The following DSCAM variants were observed in gnomAD, a reference collection of about 807,000 sequenced individuals.
The protein encoded by DSCAM is DS cell adhesion molecule.
A neutral mutation model predicts 217.7 loss-of-function variants in DSCAM; 47 were observed. The ratio of observed to expected loss-of-function variants is 0.22; its 90% CI spans 0.17 to 0.28. DSCAM has a LOEUF of 0.28. Ranked by LOEUF, DSCAM falls within the 10% of genes least tolerant of loss-of-function variation. The probability of loss-of-function intolerance (pLI) is 1.00; values close to 1 mark genes in which losing one functional copy is unlikely to be tolerated. For missense variants in DSCAM, 2,080 were observed against 2,618.3 expected (o/e 0.79, Z 4.49); for synonymous variants, 1,056 against 1,015.3 (o/e 1.04, Z -0.76).
At chr21:40,781,219 C>T (rs1227946259) in intron 1 of DSCAM, among the ~76,000 whole-genome samples, 21 of 152,144 alleles carry the variant, frequency 1.4e-4, no homozygotes. Flanking sequence ...GGGGTTTCAC[C>T]ATGTTGGCCA....
At chr21:40,802,669 C>T (rs1196493888) in intron 1 of DSCAM, among the ~76,000 whole-genome samples, 2 of 152,076 alleles carry the variant, frequency 1.3e-5, no homozygotes, top group East Asian at 1.9e-4. Flanking sequence ...TTTGTGGCTT[C>T]GTAACAGGAG....
At chr21:40,632,609 A>G (rs770054315) in intron 3 of DSCAM, among the ~76,000 whole-genome samples, 1 of 152,200 alleles carries the variant, frequency 6.6e-6, no homozygotes, top group Non-Finnish European at 1.5e-5. Flanking sequence ...AGCCCAAAAT[A>G]AAATAACGTG....
chr21:40,347,686 C>T lies in DSCAM; in HGVS notation c.1194G>A (p.Val398=), dbSNP rs2123623993. The change falls in exon 6 of 33, where the codon GTG becomes GTA. Residue 398 remains valine, a synonymous_variant. Transcript: ENST00000400454. ...RKDKLSAQDY[V]QVVLEDGTPK... is the part of the protein sequence containing the mutation. ...CCCACTGACCTTCAAGGACCACCTG[C>T]ACATAGTCTTGAGCGGACAGCTTGT... 6.2e-7 allele frequency: 1 copy of T among 1,613,964 alleles called. No homozygotes were observed. The highest frequency in any genetic ancestry group is 8.5e-7 in the Non-Finnish European group (1 of 1,179,972).
chr21:40,014,926 T>G (rs1008861805), intron 32 of DSCAM, among the ~76,000 whole-genome samples: 3 of 152,204 alleles, frequency 2.0e-5, no homozygotes, highest in Non-Finnish European at 2.9e-5. Context: ...TTGATGCCGT[T>G]GATATTTTTG....
chr21:40,225,555 G>A (rs772082634), intron 11 of DSCAM, among the ~76,000 whole-genome samples: 1 of 152,090 alleles, frequency 6.6e-6, no homozygotes, highest in Non-Finnish European at 1.5e-5. Flanking sequence ...CCTTCTTTGT[G>A]TGTGGACTCA....
rs1223578903 is a variant in DSCAM, at chr21:40,447,803, T to G, written c.509-78558A>C. ...TCAGACAGCTTATCTGTGGTAGGTG[T>G]TCCACAAAATATAGCAGCATAACGA... is the stretch of plus-strand genomic sequence containing the variant. On this transcript the variant is annotated intron_variant, in intron 3 of 32. Transcript: ENST00000400454. 2.6e-5 allele frequency among the ~76,000 whole-genome samples: 4 copies of G among 152,344 alleles called. No individual in the cohort carries two copies. In the East Asian group the frequency reaches 7.7e-4, roughly 29 times the overall value.
intron 3 of DSCAM, among the ~76,000 whole-genome samples, chr21:40,626,516 G>T (rs1378735819): frequency 6.6e-6 from 1 of 152,176 alleles, no homozygotes; most frequent in Non-Finnish European, 1.5e-5. Flanking sequence ...ATTGAACTTA[G>T]AATCAAATCA....
At chr21:40,831,334 T>C (rs778209587) in intron 1 of DSCAM, among the ~76,000 whole-genome samples, 3 of 152,156 alleles carry the variant, frequency 2.0e-5, no homozygotes, top group Non-Finnish European at 4.4e-5. Context: ...CACACAGGCA[T>C]AGCTTATTCT....
intron 11 of DSCAM, among the ~76,000 whole-genome samples, chr21:40,203,927 T>A (rs2091097487): frequency 1.3e-5 from 2 of 152,198 alleles, no homozygotes; most frequent in South Asian, 4.1e-4. Context: ...ATAAAATATG[T>A]TTAAAAGTAA....
At chr21:40,350,565 A>G (rs1355149971) in intron 5 of DSCAM, among the ~76,000 whole-genome samples, 1 of 152,192 alleles carries the variant, frequency 6.6e-6, no homozygotes, top group Non-Finnish European at 1.5e-5. Flanking sequence ...TAGGTTGATA[A>G]GACAAAGGCA....
chr21:40,820,972 GA>G (rs930587976), intron 1 of DSCAM, among the ~76,000 whole-genome samples: 3 of 151,306 alleles, frequency 2.0e-5, no homozygotes, highest in Non-Finnish European at 4.4e-5. Flanking sequence ...ACCCAAACCA[GA>G]TATCCAGACA....
intron 3 of DSCAM, among the ~76,000 whole-genome samples, chr21:40,412,075 C>T (rs985284688): frequency 1.3e-5 from 2 of 152,192 alleles, no homozygotes; most frequent in African/African-American, 2.4e-5. Flanking sequence ...TTGCCTGCTG[C>T]CATCCATCTA....
At chr21:40,647,450 A>G (rs1352582494) in intron 3 of DSCAM, among the ~76,000 whole-genome samples, 1 of 152,218 alleles carries the variant, frequency 6.6e-6, no homozygotes, top group Admixed American at 6.5e-5. Context: ...ATAATGTAAG[A>G]TTTGATGAAT....
chr21:40,121,045 T>C (rs113279941), intron 20 of DSCAM, among the ~76,000 whole-genome samples: 195 of 152,314 alleles, frequency 1.3e-3, no homozygotes, highest in African/African-American at 4.1e-3. Context: ...TATCCCCCTA[T>C]GTTCTACATT....
At chr21:40,609,214 C>T (rs561893139) in intron 3 of DSCAM, among the ~76,000 whole-genome samples, 5 of 152,316 alleles carry the variant, frequency 3.3e-5, no homozygotes, top group Non-Finnish European at 7.3e-5. Context: ...CTTGGCCTCA[C>T]AAAGTGCTGG....
chr21:40,591,658 G>A (rs188211972), intron 3 of DSCAM, among the ~76,000 whole-genome samples: 62 of 152,222 alleles, frequency 4.1e-4, no homozygotes, highest in Admixed American at 9.8e-4. Flanking sequence ...AGGTAACAAG[G>A]TATAAATATA....
At chr21:40,708,364 C>T in intron 2 of DSCAM, 90 bp downstream of exon 2, 3 of 1,141,302 alleles carry the variant, frequency 2.6e-6, no homozygotes, top group Non-Finnish European at 2.3e-6. Flanking sequence ...CATTGGTTCT[C>T]TGCTGTGATG....
chr21:40,040,331 G>A (rs559343159), intron 32 of DSCAM, among the ~76,000 whole-genome samples: 1 of 152,274 alleles, frequency 6.6e-6, no homozygotes, highest in East Asian at 1.9e-4. Context: ...CATGAGCAAA[G>A]GTCAAATTTT....
At chr21:40,448,906 A>C (rs2075697014) in intron 3 of DSCAM, among the ~76,000 whole-genome samples, 1 of 152,174 alleles carries the variant, frequency 6.6e-6, no homozygotes. Flanking sequence ...ATTTATTTAT[A>C]TCTTATACTT....
Sources: gnomAD v4.1 joint callset for allele counts (sites outside exome capture counted in the v4.1 genomes callset) on GRCh38, gnomAD v4.1.1 for gene constraint, MANE v1.5 for transcripts, NCBI Gene and HGNC (gene_info 2026-07-23, HGNC 2026-07-21) for gene names.